The following FER variants were observed in gnomAD, a reference collection of about 807,000 sequenced individuals.
The protein encoded by FER is FER tyrosine kinase, also known as tyrosine-protein kinase Fer.
In FER, 63 loss-of-function variants were observed where a neutral mutation model predicts 111.0. The observed-to-expected ratio is 0.57, with a 90% CI of 0.46 to 0.70. FER has a LOEUF of 0.70. Ranked by LOEUF, FER falls within the 30% of genes least tolerant of loss-of-function variation. The probability of loss-of-function intolerance (pLI) is 0.00; values close to 1 mark genes in which losing one functional copy is unlikely to be tolerated. For missense variants in FER, 914 were observed against 954.0 expected (o/e 0.96, Z 0.55); for synonymous variants, 327 against 313.9 (o/e 1.04, Z -0.44).
rs1393487863 is a variant in FER, at chr5:108,768,230, A to G, written c.-68A>G. ...AGCTAAGGCATGACCAGCAATGAAC[A>G]GTAGTAAGGTAGGATTACTTTATTC... On this transcript the variant is annotated 5_prime_UTR_variant, in exon 2 of 20. Coordinates refer to ENST00000281092, the MANE Select transcript of FER (RefSeq NM_005246.4). 6.6e-6 allele frequency: 1 copy of G among 152,334 alleles called. No individual in the cohort carries two copies. The highest frequency in any genetic ancestry group is 1.9e-4 in the East Asian group (1 of 5,178). The allele number at this position is 152,334 out of a possible 1,614,324, so 9.4% of individuals were successfully genotyped here. A position where few individuals can be genotyped will look rare whatever the true frequency, so the allele number is the denominator to read the frequency against.
At chr5:108,767,625 C>T (rs1752466915) in intron 1 of FER, among the ~76,000 whole-genome samples, 1 of 152,140 alleles carries the variant, frequency 6.6e-6, no homozygotes, top group East Asian at 1.9e-4. Context: ...GCTGAGACTA[C>T]AGGTGTGTGC....
intron 9 of FER, among the ~76,000 whole-genome samples, chr5:108,892,604 T>C (rs1279807753): frequency 4.4e-4 from 67 of 152,196 alleles, no homozygotes; most frequent in Non-Finnish European, 1.8e-4. Flanking sequence ...AAATTTTCTC[T>C]CTTTCTGTAG....
intron 10 of FER, among the ~76,000 whole-genome samples, chr5:108,913,352 C>A (rs547220337): frequency 6.6e-6 from 1 of 151,960 alleles, no homozygotes; most frequent in African/African-American, 2.4e-5. Context: ...AAATACCAAA[C>A]AAAAACAAAA....
chr5:109,058,724 C>CTTTTTTTTTTT lies in FER; in HGVS notation c.1924+11542_1924+11552dup, dbSNP rs746184286. Among the ~76,000 whole-genome samples, 47 of 76,258 alleles carry CTTTTTTTTTTT rather than the reference C, an allele frequency of 6.2e-4. 5 individuals are homozygous for CTTTTTTTTTTT. Among genetic ancestry groups the CTTTTTTTTTTT allele is most frequent in the African/African-American group, 1.6e-3 (27 of 17,116 alleles). 50.0% of individuals were successfully genotyped at this position (76,258 alleles called of 152,430 possible). On this transcript the variant is annotated intron_variant, in intron 16 of 19. Transcript: ENST00000281092. Reference sequence around the variant, plus strand: ...TCTTTTTCTTTTTCTTTCTTTCTTTCTTTTTTTTTTTTTTTTTTTTTTTTT... The same window carrying CTTTTTTTTTTT: ...TCTTTTTCTTTTTCTTTCTTTCTTTCTTTTTTTTTTTTTTTTTTTTTTTTTTTTTTTTTTTT...
chr5:108,809,463 GC>G (rs1374392209), intron 3 of FER, among the ~76,000 whole-genome samples: 1 of 152,058 alleles, frequency 6.6e-6, no homozygotes, highest in Non-Finnish European at 1.5e-5. Context: ...TTCCTTCATT[GC>G]CTGGATTGCT....
intron 17 of FER, among the ~76,000 whole-genome samples, chr5:109,178,209 G>A (rs951287528): frequency 1.3e-5 from 2 of 152,160 alleles, no homozygotes; most frequent in African/African-American, 2.4e-5. Context: ...TTTATTTAAT[G>A]CATAGATTAT....
intron 10 of FER, among the ~76,000 whole-genome samples, chr5:108,931,211 G>A (rs547583706): frequency 1.5e-4 from 23 of 152,162 alleles, no homozygotes; most frequent in African/African-American, 5.5e-4. Context: ...TTCTAAGCAG[G>A]TTAGTATTCT....
At chr5:109,088,654 A>C (rs3797845) in intron 16 of FER, among the ~76,000 whole-genome samples, 70,180 of 151,904 alleles carry the variant, frequency 0.46, 16,989 homozygotes, top group African/African-American at 0.6. Flanking sequence ...TTGTTCTAAG[A>C]TTATTAATGC....
intron 10 of FER, among the ~76,000 whole-genome samples, chr5:108,941,073 G>C (rs532814574): frequency 1.3e-5 from 2 of 152,160 alleles, no homozygotes; most frequent in African/African-American, 4.8e-5. Context: ...TGTAAAGCTG[G>C]GAGAGATCTC....
intron 5 of FER, among the ~76,000 whole-genome samples, chr5:108,858,766 A>ATTTTTT (rs75243334): frequency 3.2e-5 from 4 of 124,714 alleles, no homozygotes; most frequent in Admixed American, 8.2e-5. Flanking sequence ...CAGTTTTTTC[A>ATTTTTT]TTTTTTTTTT....
chr5:108,933,638 C>T (rs1755018942), intron 10 of FER, among the ~76,000 whole-genome samples: 1 of 152,064 alleles, frequency 6.6e-6, no homozygotes, highest in African/African-American at 2.4e-5. Context: ...TGAAGAAAGT[C>T]AATGGTAACT....
intron 13 of FER, among the ~76,000 whole-genome samples, chr5:108,968,508 G>C (rs1272855979): frequency 6.6e-6 from 1 of 152,180 alleles, no homozygotes; most frequent in African/African-American, 2.4e-5. Context: ...AAATTTATGT[G>C]ATATGTTAAT....
chr5:109,091,326 C>A (rs375481422), intron 16 of FER, among the ~76,000 whole-genome samples: 1 of 152,186 alleles, frequency 6.6e-6, no homozygotes, highest in African/African-American at 2.4e-5. Context: ...TCCTTGGTCA[C>A]CCCAGATATG....
chr5:108,865,261 T>C (rs1286312218), intron 5 of FER, among the ~76,000 whole-genome samples: 2 of 152,168 alleles, frequency 1.3e-5, no homozygotes, highest in Non-Finnish European at 2.9e-5. Context: ...TGGGCTGAGA[T>C]GATGGGGTTT....
At chr5:108,899,468 A>G (rs1259576212) in intron 10 of FER, among the ~76,000 whole-genome samples, 1 of 152,078 alleles carries the variant, frequency 6.6e-6, no homozygotes, top group Non-Finnish European at 1.5e-5. Context: ...TGTGGTTTAT[A>G]ATATTTCCCT....
At chr5:109,033,178 T>A (rs757384773) in intron 13 of FER, among the ~76,000 whole-genome samples, 17 of 152,236 alleles carry the variant, frequency 1.1e-4, no homozygotes, top group Non-Finnish European at 1.5e-5. Flanking sequence ...CTACTATTCC[T>A]ATTTCTTGGA....
At chr5:109,159,811 C>T (rs1755809211) in intron 17 of FER, among the ~76,000 whole-genome samples, 1 of 152,176 alleles carries the variant, frequency 6.6e-6, no homozygotes, top group Non-Finnish European at 1.5e-5. Context: ...CCCACCCTCC[C>T]CAGGCCTCTC....
intron 3 of FER, among the ~76,000 whole-genome samples, chr5:108,823,817 G>T (rs920194580): frequency 6.6e-6 from 1 of 152,082 alleles, no homozygotes; most frequent in Admixed American, 6.6e-5. Flanking sequence ...TTTGTTGTCT[G>T]TGCTTTTGGT....
At chr5:108,781,399 C>T (rs1754058996) in intron 2 of FER, among the ~76,000 whole-genome samples, 1 of 152,168 alleles carries the variant, frequency 6.6e-6, no homozygotes, top group African/African-American at 2.4e-5. Context: ...ACCATGTTGG[C>T]CAGGCTGGTC....
Sources: gnomAD v4.1 joint callset for allele counts (sites outside exome capture counted in the v4.1 genomes callset) on GRCh38, gnomAD v4.1.1 for gene constraint, MANE v1.5 for transcripts, NCBI Gene and HGNC (gene_info 2026-07-23, HGNC 2026-07-21) for gene names.